Variants in VAV3 observed in about 807,000 individuals in gnomAD.
The protein encoded by VAV3 is vav guanine nucleotide exchange factor 3, also known as guanine nucleotide exchange factor VAV3.
VAV3 carries 94 observed loss-of-function variants against 131.2 expected under a neutral mutation model. That is an observed-to-expected ratio of 0.72 (90% CI 0.61 to 0.85). The LOEUF (loss-of-function observed/expected upper bound fraction) is 0.85. VAV3 is among the 40% of genes least tolerant of loss of function. VAV3 has a pLI of 0.00. For synonymous variants in VAV3, 349 were observed against 342.0 expected, an observed-to-expected ratio of 1.02 and a Z score of -0.22; for missense variants, 939 against 1,002.7, an observed-to-expected ratio of 0.94 and a Z score of 0.86.
At chr1:107,590,370 A>G (rs1570571106) in intron 25 of VAV3, among the ~76,000 whole-genome samples, 2 of 152,350 alleles carry the variant, frequency 1.3e-5, no homozygotes, top group African/African-American at 4.8e-5. Context: ...AGGCATGTGC[A>G]AAAGTACAAT....
intron 1 of VAV3, among the ~76,000 whole-genome samples, chr1:107,889,132 A>AGT (rs5776903): frequency 0.096 from 13,581 of 141,872 alleles, 670 homozygotes; most frequent in Middle Eastern, 0.11. Context: ...TCCTGTGTAG[A>AGT]GTGTGTGTGT....
chr1:107,693,639 A>G (rs534947869), intron 17 of VAV3, among the ~76,000 whole-genome samples: 1 of 152,358 alleles, frequency 6.6e-6, no homozygotes, highest in African/African-American at 2.4e-5. Context: ...AATAATATTT[A>G]GCCACATCCT....
At chr1:107,576,820 C>T (rs1372684806) in intron 25 of VAV3, among the ~76,000 whole-genome samples, 1 of 152,180 alleles carries the variant, frequency 6.6e-6, no homozygotes, top group Non-Finnish European at 1.5e-5. Flanking sequence ...TAATCCTTCA[C>T]ATCAAAACTA....
At chr1:107,816,330 T>C (rs1667558950) in intron 2 of VAV3, among the ~76,000 whole-genome samples, 1 of 152,200 alleles carries the variant, frequency 6.6e-6, no homozygotes, top group Non-Finnish European at 1.5e-5. Flanking sequence ...AAAATAACCA[T>C]GCCAATTCCA....
At chr1:107,574,959 TTC>T (rs200845787) in intron 25 of VAV3, among the ~76,000 whole-genome samples, 4 of 140,368 alleles carry the variant, frequency 2.8e-5, no homozygotes, top group African/African-American at 8.3e-5. Context: ...AGAGTTGAGT[TTC>T]TCTGTGTGTG....
At chr1:107,739,481 TG>T (rs1662879545) in intron 15 of VAV3, among the ~76,000 whole-genome samples, 3 of 152,100 alleles carry the variant, frequency 2.0e-5, no homozygotes, top group Admixed American at 2.0e-4. Context: ...GGCTTCAACT[TG>T]GGAGATTAAT....
At chr1:107,960,139 C>T (rs1251646416) in intron 1 of VAV3, among the ~76,000 whole-genome samples, 1 of 152,210 alleles carries the variant, frequency 6.6e-6, no homozygotes, top group East Asian at 1.9e-4. Context: ...GCTCTCCAGT[C>T]TGTTCTCAAT....
At chr1:107,959,474 G>A (rs1674977679) in intron 1 of VAV3, among the ~76,000 whole-genome samples, 1 of 151,948 alleles carries the variant, frequency 6.6e-6, no homozygotes, top group African/African-American at 2.4e-5. Flanking sequence ...AACTTATATT[G>A]TTTAAATCTT....
intron 15 of VAV3, among the ~76,000 whole-genome samples, chr1:107,733,248 G>C (rs1662371332): frequency 6.6e-6 from 1 of 152,178 alleles, no homozygotes; most frequent in Non-Finnish European, 1.5e-5. Context: ...CATCATCAAA[G>C]ACCAAAGGTA....
chr1:107,855,151 A>T (rs1436433053), intron 2 of VAV3, among the ~76,000 whole-genome samples: 1 of 152,232 alleles, frequency 6.6e-6, no homozygotes, highest in Non-Finnish European at 1.5e-5. Flanking sequence ...GTCTAACTGC[A>T]AGGAGGCTTG....
chr1:107,676,802 C>CA (rs1416411384), intron 19 of VAV3, among the ~76,000 whole-genome samples: 1 of 152,032 alleles, frequency 6.6e-6, no homozygotes, highest in Non-Finnish European at 1.5e-5. Context: ...CTTCAGTTTG[C>CA]AAAAAATTCT....
intron 2 of VAV3, among the ~76,000 whole-genome samples, chr1:107,851,171 C>CAAAAAAAAAAAAAA (rs35609784): frequency 4.4e-5 from 3 of 68,500 alleles, no homozygotes; most frequent in Admixed American, 1.5e-4. Flanking sequence ...GACTCCGTCT[C>CAAAAAAAAAAAAAA]AAAAAAAAAA....
At chr1:107,930,184 G>C (rs893812564) in intron 1 of VAV3, among the ~76,000 whole-genome samples, 1 of 152,110 alleles carries the variant, frequency 6.6e-6, no homozygotes, top group Non-Finnish European at 1.5e-5. Context: ...AGTATAACTG[G>C]ATTGTTTGTA....
chr1:107,604,452 C>T (rs1428305680), intron 22 of VAV3, among the ~76,000 whole-genome samples: 1 of 152,128 alleles, frequency 6.6e-6, no homozygotes, highest in Non-Finnish European at 1.5e-5. Context: ...CTGACTCATG[C>T]CTACCTCTCT....
At chr1:107,805,709 ATT>A (rs1667027754) in intron 2 of VAV3, among the ~76,000 whole-genome samples, 1 of 151,596 alleles carries the variant, frequency 6.6e-6, no homozygotes, top group African/African-American at 2.4e-5. Context: ...CCTGTTTACT[ATT>A]GTTTCTTGTG....
At chr1:107,862,264 C>T (rs116004688) in intron 2 of VAV3, among the ~76,000 whole-genome samples, 70 of 151,588 alleles carry the variant, frequency 4.6e-4, no homozygotes, top group African/African-American at 1.6e-3. Context: ...TTGTTTGGTG[C>T]TCATACCACT....
intron 2 of VAV3, among the ~76,000 whole-genome samples, chr1:107,798,307 T>C (rs371740466): frequency 6.6e-6 from 1 of 152,092 alleles, no homozygotes; most frequent in South Asian, 2.1e-4. Context: ...TGTGTAAAAA[T>C]AGGAGGGGTG....
intron 19 of VAV3, among the ~76,000 whole-genome samples, chr1:107,670,962 G>A (rs1485326799): frequency 6.6e-6 from 1 of 152,124 alleles, no homozygotes; most frequent in Non-Finnish European, 1.5e-5. Context: ...CTTGGATACT[G>A]CTTGAATTTA....
rs148200968 is a variant in VAV3 at position 107,944,849 on chromosome 1, G to A, written c.204+19817C>T. Reference sequence around the variant, plus strand: ...TCGAACTCCTGAGCTCTGGCAATCCGCCCGCCTCGGCCTCCCAAAGTGCTA... The same window carrying A: ...TCGAACTCCTGAGCTCTGGCAATCCACCCGCCTCGGCCTCCCAAAGTGCTA... On this transcript the variant is annotated intron_variant, in intron 1 of 26. Coordinates refer to ENST00000370056, the MANE Select transcript of VAV3 (RefSeq NM_006113.5). 2.6e-3 allele frequency among the ~76,000 whole-genome samples: 392 copies of A among 152,206 alleles called. 7 individuals are homozygous for A. In the East Asian group the frequency reaches 0.063, roughly 24 times the overall value.
Sources: gnomAD v4.1 joint callset for allele counts (sites outside exome capture counted in the v4.1 genomes callset) on GRCh38, gnomAD v4.1.1 for gene constraint, MANE v1.5 for transcripts, NCBI Gene and HGNC (gene_info 2026-07-23, HGNC 2026-07-21) for gene names.